The following KCNQ3 variants were observed in gnomAD, a reference collection of about 807,000 sequenced individuals.
KCNQ3 encodes the protein potassium voltage-gated channel subfamily Q member 3.
Under a neutral mutation model 92.5 loss-of-function variants are expected in KCNQ3, and 30 were observed. The ratio of observed to expected loss-of-function variants is 0.32; its 90% CI spans 0.24 to 0.44. The LOEUF is 0.44. KCNQ3 is among the 20% of genes least tolerant of loss of function. The pLI, the probability that KCNQ3 is intolerant of heterozygous loss-of-function variation, is 1.00. For synonymous variants in KCNQ3, 450 were observed against 468.8 expected, an observed-to-expected ratio of 0.96 and a Z score of 0.52; for missense variants, 913 against 1,140.3, an observed-to-expected ratio of 0.80 and a Z score of 2.87.
At position 132,440,356 on chromosome 8, in the gene KCNQ3, C is replaced by T. The variant is rs542268321; in HGVS notation, c.386+39791G>A. On this transcript the variant is annotated intron_variant, in intron 1 of 14. Transcript: ENST00000388996. Reference sequence around the variant, plus strand: ...CCGTTTTCCCTGCTGTCCTTCATGGCGCTGACCAGGTCCTGCAGTATCAGG... The same window carrying T: ...CCGTTTTCCCTGCTGTCCTTCATGGTGCTGACCAGGTCCTGCAGTATCAGG... 3.9e-5 allele frequency among the ~76,000 whole-genome samples: 6 copies of T among 152,268 alleles called. No individual in the cohort carries two copies. The East Asian group carries it at 5.8e-4, about 15-fold the overall frequency.
intron 8 of KCNQ3, among the ~76,000 whole-genome samples, chr8:132,165,418 T>C (rs1826116352): frequency 6.6e-6 from 1 of 152,208 alleles, no homozygotes; most frequent in Non-Finnish European, 1.5e-5. Context: ...AAAAGGGTTT[T>C]AACAACATTC....
chr8:132,269,042 T>C (rs1330604398), intron 1 of KCNQ3, among the ~76,000 whole-genome samples: 1 of 152,226 alleles, frequency 6.6e-6, no homozygotes, highest in Non-Finnish European at 1.5e-5. Context: ...ATATCTTCTT[T>C]GGTGAGGTGT....
In KCNQ3 at chr8:132,129,677, G is replaced by A; in HGVS notation, c.2204C>T (p.Pro735Leu). ...CTCCACATACGTTGTTGCTGAGGAAGGAGGAGTTGCCTGAACCTTTCCAGA... is the reference window on the plus strand; with the variant it reads ...CTCCACATACGTTGTTGCTGAGGAAAGAGGAGTTGCCTGAACCTTTCCAGA... ...PSSGKVQATP[P>L]SSATTYVERP... is the part of the protein sequence containing the mutation. Residue 735 changes from proline to leucine, a missense_variant, in exon 15 of 15, where the codon CCT becomes CTT. Coordinates refer to ENST00000388996, the MANE Select transcript of KCNQ3 (RefSeq NM_004519.4). This position sits in a 1 kb window ranked among gnomAD's most constrained non-coding sequence, Gnocchi z 5.9. The A allele has an allele frequency of 6.2e-7, 1 of 1,614,180 alleles. No individual in the cohort carries two copies. The highest frequency in any genetic ancestry group is 8.5e-7 in the Non-Finnish European group (1 of 1,180,022).
chr8:132,138,881 G>A (rs541381486), intron 11 of KCNQ3, among the ~76,000 whole-genome samples: 2 of 152,138 alleles, frequency 1.3e-5, no homozygotes, highest in Non-Finnish European at 2.9e-5. Context: ...TAATTTGCTT[G>A]CCATCCTTCC....
rs1824583020 is a variant in KCNQ3, at chr8:132,124,069, G to T, written c.*5193C>A. The T allele has an allele frequency of 6.6e-6, 1 of 152,010 alleles. No homozygotes were observed. The highest frequency in any genetic ancestry group is 6.6e-5 in the Admixed American group (1 of 15,258). 9.4% of individuals were successfully genotyped at this position (152,010 alleles called of 1,614,324 possible). A position where few individuals can be genotyped will look rare whatever the true frequency, so the allele number is the denominator to read the frequency against. On this transcript the variant is annotated 3_prime_UTR_variant, in exon 15 of 15. Coordinates refer to ENST00000388996, the MANE Select transcript of KCNQ3 (RefSeq NM_004519.4). Reference sequence around the variant, plus strand: ...CATCATCCAGATGGTGCAACATCTGGTACTATATGTCCAATGGAATTGCCA... The same window carrying T: ...CATCATCCAGATGGTGCAACATCTGTTACTATATGTCCAATGGAATTGCCA...
At chr8:132,237,428 C>A (rs1197864221) in intron 1 of KCNQ3, among the ~76,000 whole-genome samples, 1 of 152,138 alleles carries the variant, frequency 6.6e-6, no homozygotes, top group East Asian at 1.9e-4. Context: ...TTATTTGCAG[C>A]TGAAGATATT....
intron 14 of KCNQ3, among the ~76,000 whole-genome samples, chr8:132,130,202 C>T (rs74948268): frequency 2.0e-5 from 3 of 151,788 alleles, no homozygotes; most frequent in Admixed American, 2.0e-4. Flanking sequence ...ATGCCTCAGC[C>T]TCCCAAGTAG....
intron 1 of KCNQ3, among the ~76,000 whole-genome samples, chr8:132,224,755 T>C (rs1260831430): frequency 1.9e-5 from 1 of 51,778 alleles, no homozygotes; most frequent in African/African-American, 5.7e-5. Flanking sequence ...ATTTTGATAC[T>C]TTTTTTTGAG....
At chr8:132,134,231 TG>T in intron 13 of KCNQ3, 58 bp downstream of exon 13, 1 of 1,242,422 alleles carries the variant, frequency 8.0e-7, no homozygotes, top group Non-Finnish European at 1.2e-6. Flanking sequence ...GGTTTGGGGG[TG>T]GGGATGCTTT....
intron 1 of KCNQ3, among the ~76,000 whole-genome samples, chr8:132,255,575 C>A (rs1563827817): frequency 3.9e-5 from 6 of 152,168 alleles, no homozygotes; most frequent in Admixed American, 2.6e-4. Flanking sequence ...CGAGAGAGCC[C>A]TAAGCTCTCA....
chr8:132,302,199 A>G (rs1817236310), intron 1 of KCNQ3, among the ~76,000 whole-genome samples: 1 of 152,238 alleles, frequency 6.6e-6, no homozygotes, highest in Non-Finnish European at 1.5e-5. Context: ...GAAGGAATCC[A>G]TGGCAATGAA....
At chr8:132,285,650 T>C (rs983824590) in intron 1 of KCNQ3, among the ~76,000 whole-genome samples, 9 of 152,128 alleles carry the variant, frequency 5.9e-5, no homozygotes, top group Non-Finnish European at 1.2e-4. Flanking sequence ...CAGGAGGAAA[T>C]CAAGGGTGTG....
intron 9 of KCNQ3, among the ~76,000 whole-genome samples, chr8:132,162,681 T>C (rs1361945780): frequency 6.6e-6 from 1 of 152,220 alleles, no homozygotes; most frequent in African/African-American, 2.4e-5. Flanking sequence ...GAACTGACAC[T>C]GTCAGTAATT....
chr8:132,314,461 G>A (rs1817682668), intron 1 of KCNQ3, among the ~76,000 whole-genome samples: 1 of 152,130 alleles, frequency 6.6e-6, no homozygotes, highest in African/African-American at 2.4e-5. Context: ...AAGACATGGG[G>A]AAACTATTCT....
intron 9 of KCNQ3, among the ~76,000 whole-genome samples, chr8:132,150,969 A>G (rs1010420162): frequency 8.5e-6 from 1 of 117,582 alleles, no homozygotes; most frequent in African/African-American, 3.4e-5. Flanking sequence ...TGAAAAATAA[A>G]AACATTATTG....
At chr8:132,228,535 A>C (rs1179623300) in intron 1 of KCNQ3, among the ~76,000 whole-genome samples, 1 of 152,222 alleles carries the variant, frequency 6.6e-6, no homozygotes, top group Non-Finnish European at 1.5e-5. Context: ...ATTAATTACT[A>C]CACGGAAATA....
chr8:132,343,212 C>A (rs960333462), intron 1 of KCNQ3, among the ~76,000 whole-genome samples: 5 of 152,232 alleles, frequency 3.3e-5, no homozygotes, highest in African/African-American at 1.2e-4. Context: ...TTCATCCATG[C>A]ACTCACCATG....
chr8:132,332,858 T>G (rs1818267328), intron 1 of KCNQ3, among the ~76,000 whole-genome samples: 1 of 152,222 alleles, frequency 6.6e-6, no homozygotes, highest in African/African-American at 2.4e-5. Context: ...GAACCTGTCC[T>G]TCCTGCTGCA....
intron 12 of KCNQ3, among the ~76,000 whole-genome samples, chr8:132,137,507 CTGA>C (rs1825140632): frequency 6.6e-6 from 1 of 152,134 alleles, no homozygotes; most frequent in Non-Finnish European, 1.5e-5. Context: ...TAAGTAATAC[CTGA>C]TGAACATTTT....
Sources: gnomAD v4.1 joint callset for allele counts (sites outside exome capture counted in the v4.1 genomes callset) on GRCh38, gnomAD v4.1.1 for gene constraint, Gnocchi (gnomAD v3.1) non-coding constraint, MANE v1.5 for transcripts, NCBI Gene and HGNC (gene_info 2026-07-23, HGNC 2026-07-21) for gene names.